Variants in CCDC3 observed in about 807,000 individuals in gnomAD.
CCDC3 encodes the protein coiled-coil domain containing 3, also known as coiled-coil domain-containing protein 3.
In CCDC3, 24 loss-of-function variants were observed where a neutral mutation model predicts 21.4. The ratio of observed to expected loss-of-function variants is 1.12; its 90% CI spans 0.81 to 1.58. The LOEUF is 1.58. CCDC3 is among the 40% of genes most tolerant of loss of function. The pLI is 0.00. For synonymous variants in CCDC3, 186 were observed against 166.0 expected, an observed-to-expected ratio of 1.12 and a Z score of -0.93; for missense variants, 425 against 360.9, an observed-to-expected ratio of 1.18 and a Z score of -1.44.
chr10:12,900,029 C>T lies in CCDC3; in HGVS notation c.550-1350G>A, dbSNP rs532094627. ...TAATAGTGAATAAGTCTCAAGAGAT[C>T]GGATGGTTTTAGAAAGGGCAGTTCC... On this transcript the variant is annotated intron_variant, in intron 2 of 2. Transcript: ENST00000378825. Among the ~76,000 whole-genome samples, 110 of 152,164 alleles carry T rather than the reference C, an allele frequency of 7.2e-4. 1 individual carries two copies. The highest frequency in any genetic ancestry group is 2.4e-3 in the African/African-American group (100 of 41,500).
chr10:12,987,737 G>A (rs1301236281), intron 2 of CCDC3, among the ~76,000 whole-genome samples: 2 of 152,144 alleles, frequency 1.3e-5, no homozygotes, highest in Non-Finnish European at 2.9e-5. Flanking sequence ...AATACCCTGG[G>A]GGTGGTCGAG....
In CCDC3 at chr10:13,001,405, G is replaced by A. The variant is rs1365420712; in HGVS notation, c.166C>T (p.Pro56Ser). Reference sequence around the variant, plus strand: ...CAGGGCAGGTGGTTGTAGAGGCCGGGCGCCTCGGGGTGCAGCGCCAGCACC... The same window carrying A: ...CAGGGCAGGTGGTTGTAGAGGCCGGACGCCTCGGGGTGCAGCGCCAGCACC... ...ARVLALHPEA[P>S]GLYNHLPWQY... The change falls in exon 1 of 3, where the codon CCC becomes TCC. Residue 56 changes from proline (P) to serine (S), a missense_variant. Pro to Ser is a moderately conservative substitution (Grantham distance 74). Transcript: ENST00000378825. 3 of 1,564,688 alleles carry A rather than the reference G, an allele frequency of 1.9e-6. No homozygotes were observed. The Admixed American group carries it at 5.7e-5, about 30-fold the overall frequency.
At chr10:13,014,129 T>C (rs1213319488) in intron 5 of CCDC3, among the ~76,000 whole-genome samples, 8 of 137,708 alleles carry the variant, frequency 5.8e-5, no homozygotes, top group East Asian at 2.2e-4. Flanking sequence ...CCAGCCTGGG[T>C]GACAAAGTGG....
chr10:12,985,082 C>T (rs1835566702), intron 2 of CCDC3, among the ~76,000 whole-genome samples: 1 of 151,918 alleles, frequency 6.6e-6, no homozygotes, highest in South Asian at 2.1e-4. Context: ...TTTTACTCTA[C>T]CCAAAAACTT....
At chr10:12,958,146 A>G (rs1835122567) in intron 2 of CCDC3, among the ~76,000 whole-genome samples, 1 of 152,142 alleles carries the variant, frequency 6.6e-6, no homozygotes, top group Non-Finnish European at 1.5e-5. Context: ...TTTATTTATA[A>G]ATTACCCAGT....
At chr10:12,899,825 GGAA>G (rs1402992545) in intron 2 of CCDC3, among the ~76,000 whole-genome samples, 4 of 152,316 alleles carry the variant, frequency 2.6e-5, no homozygotes, top group South Asian at 4.1e-4. Flanking sequence ...AGAGAAGACA[GGAA>G]GAAGAAGATT....
chr10:12,962,032 T>C (rs2131257683), intron 2 of CCDC3, among the ~76,000 whole-genome samples: 1 of 152,308 alleles, frequency 6.6e-6, no homozygotes, highest in Admixed American at 6.5e-5. Context: ...AATGGAACGT[T>C]GCTCTCTGAA....
chr10:12,971,816 C>A (rs189249860), intron 2 of CCDC3, among the ~76,000 whole-genome samples: 2 of 152,108 alleles, frequency 1.3e-5, no homozygotes, highest in African/African-American at 4.8e-5. Context: ...CCTCCCAAGT[C>A]GCTGGAATTA....
intron 2 of CCDC3, among the ~76,000 whole-genome samples, chr10:12,971,163 G>A (rs1374705592): frequency 6.6e-6 from 1 of 152,172 alleles, no homozygotes; most frequent in African/African-American, 2.4e-5. Context: ...TGTCCCCAGG[G>A]ACTCATGAGC....
chr10:13,016,559 G>A (rs1249418945), intron 5 of CCDC3, among the ~76,000 whole-genome samples: 1 of 151,922 alleles, frequency 6.6e-6, no homozygotes, highest in Non-Finnish European at 1.5e-5. Flanking sequence ...GGAAGCCGAT[G>A]TTATTTCATA....
rs1231540911 is a variant in CCDC3, at chr10:12,897,061, C to G, written c.*1355G>C. On this transcript the variant is annotated 3_prime_UTR_variant, in exon 3 of 3. Transcript: ENST00000378825. ...CTGACAGTGCCTGCCATTTCCGGTA[C>G]AGAGGACAGCATCACCAGGCCCTGC... 1.4e-5 allele frequency: 2 copies of G among 147,910 alleles called. No individual in the cohort carries two copies. Among genetic ancestry groups the G allele is most frequent in the Non-Finnish European group, 3.0e-5 (2 of 67,456 alleles). The allele number at this position is 147,910 out of a possible 1,614,324, so 9.2% of individuals were successfully genotyped here. A position where few individuals can be genotyped will look rare whatever the true frequency, so the allele number is the denominator to read the frequency against.
chr10:13,029,205 C>T (rs375554995), intron 5 of CCDC3, among the ~76,000 whole-genome samples: 68 of 152,234 alleles, frequency 4.5e-4, no homozygotes, highest in African/African-American at 1.6e-3. Flanking sequence ...TTGATACTGC[C>T]TCAGGAAGCT....
At chr10:13,016,110 A>T (rs945063497) in intron 5 of CCDC3, among the ~76,000 whole-genome samples, 2 of 152,018 alleles carry the variant, frequency 1.3e-5, no homozygotes, top group Admixed American at 1.3e-4. Context: ...CATTAAAAAA[A>T]TTTTAATAAA....
chr10:12,949,263 G>A (rs2131246513), intron 2 of CCDC3, among the ~76,000 whole-genome samples: 1 of 152,264 alleles, frequency 6.6e-6, no homozygotes, highest in South Asian at 2.1e-4. Context: ...CCTTGAACCG[G>A]GTGTGGCCAC....
chr10:13,069,834 T>G (rs1013875580), intron 4 of CCDC3, among the ~76,000 whole-genome samples: 1 of 152,230 alleles, frequency 6.6e-6, no homozygotes, highest in Non-Finnish European at 1.5e-5. Flanking sequence ...ATAACCAAAT[T>G]TATTTGTCAA....
intron 1 of CCDC3, among the ~76,000 whole-genome samples, chr10:13,000,170 C>T (rs1032851741): frequency 6.6e-6 from 1 of 152,160 alleles, no homozygotes; most frequent in Non-Finnish European, 1.5e-5. Context: ...ACTGGGAAAA[C>T]GAACTACAAC....
intron 2 of CCDC3, among the ~76,000 whole-genome samples, chr10:12,989,955 A>G (rs1341977617): frequency 6.6e-6 from 1 of 152,046 alleles, no homozygotes; most frequent in Non-Finnish European, 1.5e-5. Flanking sequence ...AGTTTAATTT[A>G]AGAATATCTT....
At chr10:13,052,672 G>A (rs949694836) in intron 4 of CCDC3, among the ~76,000 whole-genome samples, 1 of 152,068 alleles carries the variant, frequency 6.6e-6, no homozygotes, top group Non-Finnish European at 1.5e-5. Flanking sequence ...GGGCATGGTG[G>A]CTCATGTCTA....
rs11818489 is a variant in CCDC3, at chr10:12,990,586, G to A, written c.549+7752C>T. 6.6e-4 allele frequency among the ~76,000 whole-genome samples: 100 copies of A among 152,300 alleles called. 2 individuals carry two copies. The highest frequency in any genetic ancestry group is 2.4e-3 in the African/African-American group (98 of 41,548). On this transcript the variant is annotated intron_variant, in intron 2 of 2. Coordinates refer to ENST00000378825, the MANE Select transcript of CCDC3 (RefSeq NM_031455.4). ...AAACAACTGACAGTATTGGCTGCCA[G>A]TGACTGGGTGTGAGCTCTCAAGCAA...
Sources: allele counts gnomAD v4.1 joint callset (sites outside exome capture counted in the v4.1 genomes callset), GRCh38; gene constraint gnomAD v4.1.1; transcripts MANE v1.5; gene names NCBI Gene and HGNC (gene_info 2026-07-23, HGNC 2026-07-21).